Variants in ATR observed in about 807,000 individuals in gnomAD.
ATR encodes ATR checkpoint kinase.
ATR carries 142 observed loss-of-function variants against 305.3 expected under a neutral mutation model. The observed-to-expected ratio is 0.47, with a 90% CI of 0.41 to 0.53. ATR has a LOEUF of 0.53. Among genes scored for constraint, ATR ranks in the 20% least tolerant of loss-of-function variants. ATR has a pLI of 0.00. For synonymous variants in ATR, 1,050 were observed against 1,068.1 expected, an observed-to-expected ratio of 0.98 and a Z score of 0.33; for missense variants, 2,135 against 3,133.1, an observed-to-expected ratio of 0.68 and a Z score of 7.60.
At position 142,497,002 on chromosome 3, in the gene ATR, G is replaced by C. The variant is rs2108335354; in HGVS notation, c.5738+11C>G. ...ATAAGTGACATTTTTAAAAAAAGTA[G>C]TGTGAGAAACCTTTTGTTGAGGCTT... On this transcript the variant is annotated intron_variant, in intron 33 of 46. Coordinates refer to ENST00000350721, the MANE Select transcript of ATR (RefSeq NM_001184.4). 1.9e-6 allele frequency: 3 copies of C among 1,610,356 alleles called. No individual in the cohort carries two copies. The highest frequency in any genetic ancestry group is 2.7e-5 in the African/African-American group (2 of 74,808).
chr3:142,480,881 AGAGC>A (rs1161026982), intron 36 of ATR, among the ~76,000 whole-genome samples: 1 of 152,220 alleles, frequency 6.6e-6, no homozygotes, highest in East Asian at 1.9e-4. Context: ...TGGGACCTTC[AGAGC>A]CATGCACGGG....
At position 142,563,757 on chromosome 3, in the gene ATR, G is replaced by A. The variant is rs528403333; in HGVS notation, c.293-648C>T. ...TTAAGCCTACTGAGGAAGGCATGTT[G>A]AAAGCCAAGACAAGTTGAAAGCTAG... On this transcript the variant is annotated intron_variant, in intron 3 of 46. Coordinates refer to ENST00000350721, the MANE Select transcript of ATR (RefSeq NM_001184.4). Among the ~76,000 whole-genome samples, 3 of 152,302 alleles carry A rather than the reference G, an allele frequency of 2.0e-5. No homozygotes were observed. In the East Asian group the frequency reaches 5.8e-4, roughly 29 times the overall value.
chr3:142,568,181 TCC>T, intron 1 of ATR, 27 bp from the exon 2 acceptor site: 1 of 1,576,614 alleles, frequency 6.3e-7, no homozygotes, highest in Non-Finnish European at 8.7e-7. Flanking sequence ...AAGCTTTTAA[TCC>T]TTAAAGTGAC....
At chr3:142,512,631 C>G (rs2032636844) in intron 26 of ATR, among the ~76,000 whole-genome samples, 161 bp from the exon 27 acceptor site, 1 of 152,140 alleles carries the variant, frequency 6.6e-6, no homozygotes, top group African/African-American at 2.4e-5. Context: ...GAGGCTGAGG[C>G]AGCCCAATTG....
intron 21 of ATR, among the ~76,000 whole-genome samples, chr3:142,527,080 C>A (rs1460474589): frequency 6.6e-6 from 1 of 152,162 alleles, no homozygotes; most frequent in Non-Finnish European, 1.5e-5. Context: ...TGAGCCACTA[C>A]ACCCAGCATG....
intron 23 of ATR, among the ~76,000 whole-genome samples, chr3:142,522,343 A>G (rs1394702712): frequency 6.6e-6 from 1 of 152,192 alleles, no homozygotes; most frequent in East Asian, 1.9e-4. Flanking sequence ...TACTTGCTTT[A>G]TTGTGGTGGT....
chr3:142,519,822 A>G (rs1208155099), intron 23 of ATR, 38 bp from the exon 24 acceptor site: 1 of 1,408,762 alleles, frequency 7.1e-7, no homozygotes, highest in Non-Finnish European at 1.0e-6. Flanking sequence ...GTCCACAGTG[A>G]AGCAGATAAC....
At chr3:142,449,790 G>A (rs907958013) in intron 46 of ATR, 188 bp from the exon 47 acceptor site, 13 of 622,858 alleles carry the variant, frequency 2.1e-5, no homozygotes, top group African/African-American at 7.4e-5. Context: ...TTGGAGGCTC[G>A]CAAGATTGAT....
At chr3:142,513,409 T>C (rs986274074) in intron 26 of ATR, 92 bp downstream of exon 26, 12 of 1,469,940 alleles carry the variant, frequency 8.2e-6, no homozygotes, top group Middle Eastern at 2.3e-4. Flanking sequence ...TAGGTCTACA[T>C]TTCCTACTAA....
At chr3:142,490,555 T>C (rs1370443845) in intron 35 of ATR, among the ~76,000 whole-genome samples, 2 of 152,230 alleles carry the variant, frequency 1.3e-5, no homozygotes, top group African/African-American at 4.8e-5. Context: ...TAATGCTTTG[T>C]GTGACCTAAG....
At chr3:142,488,172 C>T (rs1377578473) in intron 35 of ATR, among the ~76,000 whole-genome samples, 1 of 152,138 alleles carries the variant, frequency 6.6e-6, no homozygotes, top group African/African-American at 2.4e-5. Flanking sequence ...CTGCAGTTGA[C>T]AGTGGTGGTG....
In ATR at chr3:142,485,346, T is replaced by A. The variant is rs564627061; in HGVS notation, c.6079-64A>T. 7 of 1,570,844 alleles carry A rather than the reference T, an allele frequency of 4.5e-6. No individual in the cohort carries two copies. In the South Asian group the frequency reaches 4.5e-5, roughly 10 times the overall value. On this transcript the variant is annotated intron_variant, in intron 35 of 46. Transcript: ENST00000350721. ...CCACGCTATGCTGGGAAGTAAAATA[T>A]GAATAGATGATTAGGGATCAAAAGT... is the stretch of plus-strand genomic sequence containing the variant.
At chr3:142,486,969 A>AC (rs2030971694) in intron 35 of ATR, among the ~76,000 whole-genome samples, 1 of 147,322 alleles carries the variant, frequency 6.8e-6, no homozygotes, top group African/African-American at 2.5e-5. Context: ...CAAAAAAAAA[A>AC]AAAAAAAAAA....
chr3:142,465,058 AAAAT>A (rs931589110), intron 41 of ATR, 35 bp downstream of exon 41: 17 of 1,288,086 alleles, frequency 1.3e-5, no homozygotes, highest in South Asian at 4.7e-5. Context: ...TTTAAAATAA[AAAAT>A]AAATAAATAA....
At chr3:142,480,957 G>A (rs1407584848) in intron 36 of ATR, among the ~76,000 whole-genome samples, 3 of 152,248 alleles carry the variant, frequency 2.0e-5, no homozygotes, top group Non-Finnish European at 4.4e-5. Flanking sequence ...TAGGGTGGGA[G>A]TGACCTGATT....
rs2031811978 is a variant in ATR, at chr3:142,499,163, G to A, written c.5381-389C>T. ...CCCAAAACACTGAGATTACAGGTGT[G>A]AGCCACCATGCCCAGCCTGGTTTCA... On this transcript the variant is annotated intron_variant, in intron 31 of 46. Coordinates refer to ENST00000350721, the MANE Select transcript of ATR (RefSeq NM_001184.4). 1.0e-5 allele frequency: 4 copies of A among 387,552 alleles called. 1 individual carries two copies. The highest frequency in any genetic ancestry group is 8.8e-5 in the South Asian group (4 of 45,506). The allele number at this position is 387,552 out of a possible 1,614,324, so 24.0% of individuals were successfully genotyped here. A position where few individuals can be genotyped will look rare whatever the true frequency, so the allele number is the denominator to read the frequency against.
chr3:142,558,083 G>A (rs2034735687), intron 8 of ATR, among the ~76,000 whole-genome samples: 1 of 152,152 alleles, frequency 6.6e-6, no homozygotes, highest in Non-Finnish European at 1.5e-5. Context: ...CAAAAAGAAA[G>A]GAAATGGGAT....
intron 23 of ATR, among the ~76,000 whole-genome samples, chr3:142,521,854 C>T (rs2033161363): frequency 6.6e-6 from 1 of 152,158 alleles, no homozygotes; most frequent in East Asian, 1.9e-4. Context: ...GCTGTGAACA[C>T]TGTTCAGGTG....
rs777062209 is a variant in ATR, at chr3:142,514,634, G to GA, written c.4503+760dup. Among the ~76,000 whole-genome samples, 740 of 124,520 alleles carry GA rather than the reference G, an allele frequency of 5.9e-3. 11 individuals are homozygous for GA. Among genetic ancestry groups the GA allele is most frequent in the African/African-American group, 9.9e-3 (333 of 33,738 alleles). The allele number at this position is 124,520 out of a possible 152,430, so 81.7% of individuals were successfully genotyped here. A position where few individuals can be genotyped will look rare whatever the true frequency, so the allele number is the denominator to read the frequency against. ...GGGCGACAGAGTGAGACTCTGTCTC[G>GA]AAAAAAAAAAAAAAATACAAAGATT... On this transcript the variant is annotated intron_variant, in intron 25 of 46. Transcript: ENST00000350721.
Sources: allele counts gnomAD v4.1 joint callset (sites outside exome capture counted in the v4.1 genomes callset), GRCh38; gene constraint gnomAD v4.1.1; transcripts MANE v1.5; gene names NCBI Gene and HGNC (gene_info 2026-07-23, HGNC 2026-07-21).